The following UGGT2 variants were observed in gnomAD, a reference collection of about 807,000 sequenced individuals.
UGGT2 encodes the protein UDP-glucose:glycoprotein glucosyltransferase 2.
A neutral mutation model predicts 192.1 loss-of-function variants in UGGT2; 180 were observed. That is an observed-to-expected ratio of 0.94 (90% CI 0.83 to 1.06). The LOEUF is 1.06. Among genes scored for constraint, UGGT2 ranks in the 50% least tolerant of loss-of-function variants. The pLI, the probability that UGGT2 is intolerant of heterozygous loss-of-function variation, is 0.00. For synonymous variants in UGGT2, 580 were observed against 591.0 expected (o/e 0.98, Z 0.27); for missense variants, 1,849 against 1,795.7 (o/e 1.03, Z -0.54).
chr13:96,048,544 C>G (rs2053387754), intron 1 of UGGT2, among the ~76,000 whole-genome samples: 1 of 143,502 alleles, frequency 7.0e-6, no homozygotes, highest in African/African-American at 2.5e-5. Flanking sequence ...TCAATGAATT[C>G]AGGAGCTGGT....
chr13:95,847,931 G>A lies in UGGT2; in HGVS notation c.4284+5612C>T, dbSNP rs577872981. 4.6e-5 allele frequency among the ~76,000 whole-genome samples: 7 copies of A among 152,284 alleles called. No homozygotes were observed. The East Asian group carries it at 9.6e-4, about 21-fold the overall frequency. On this transcript the variant is annotated intron_variant, in intron 36 of 38. Transcript: ENST00000376747. ...TTTTGTACTCTTCTCAGCAATGAAC[G>A]CAAGTTCCTCTTGCTCCACATCTTC...
intron 20 of UGGT2, among the ~76,000 whole-genome samples, chr13:95,922,768 A>G (rs1306534972): frequency 1.3e-5 from 2 of 151,546 alleles, no homozygotes; most frequent in East Asian, 1.9e-4. Context: ...TGCTGTGGTG[A>G]GCCGAGATCA....
At position 95,877,705 on chromosome 13, in the gene UGGT2, G is replaced by C. The variant is rs765960913; in HGVS notation, c.3380C>G (p.Ala1127Gly). ...CAATTAAATAATACTTACATGATGTGCCATCACTATTGTATCAACCACAGC... is the reference window on the plus strand; with the variant it reads ...CAATTAAATAATACTTACATGATGTCCCATCACTATTGTATCAACCACAGC... ...KPAVVDTIVM[A>G]HHGYFQLKAN... Residue 1127 changes from alanine (A) to glycine (G), a missense_variant, in exon 28 of 39, where the codon GCA (alanine) becomes GGA (glycine). Coordinates refer to ENST00000376747, the MANE Select transcript of UGGT2 (RefSeq NM_020121.4). 2 of 1,611,696 alleles carry C rather than the reference G, an allele frequency of 1.2e-6. No individual in the cohort carries two copies. Among genetic ancestry groups the C allele is most frequent in the Non-Finnish European group, 1.7e-6 (2 of 1,179,122 alleles).
At chr13:95,900,725 C>G in intron 22 of UGGT2, 82 bp downstream of exon 22, 1 of 1,420,942 alleles carries the variant, frequency 7.0e-7, no homozygotes, top group Non-Finnish European at 9.4e-7. Context: ...TCAGTCACAT[C>G]AGGGGAATTG....
intron 11 of UGGT2, among the ~76,000 whole-genome samples, chr13:95,971,112 A>G (rs1265257330): frequency 6.6e-6 from 1 of 152,142 alleles, no homozygotes; most frequent in Non-Finnish European, 1.5e-5. Context: ...GGGCTGGGCC[A>G]TGTATGGGGC....
intron 38 of UGGT2, among the ~76,000 whole-genome samples, chr13:95,827,394 G>C (rs1886155860): frequency 6.6e-6 from 1 of 152,122 alleles, no homozygotes; most frequent in South Asian, 2.1e-4. Context: ...TGTCCTAACT[G>C]AACAAGGACA....
rs776383571 is a variant in UGGT2 at position 95,927,029 on chromosome 13, G to A, written c.2199C>T (p.Asp733=). ...AGGTAAATAAAATATGCTTATTACCGTCTTGGGTTAAATAATACATGTTCT... is the reference window on the plus strand; with the variant it reads ...AGGTAAATAAAATATGCTTATTACCATCTTGGGTTAAATAATACATGTTCT... The part of the protein sequence containing the change: ...IAKNMYYLTQ[D]DESIISAVTL... Residue 733 remains aspartate, a splice_region_variant and synonymous_variant, in exon 19 of 39, where the codon GAC becomes GAT. Coordinates refer to ENST00000376747, the MANE Select transcript of UGGT2 (RefSeq NM_020121.4). 54 of 1,600,078 alleles carry A rather than the reference G, an allele frequency of 3.4e-5. 1 individual carries two copies. Among genetic ancestry groups the A allele is most frequent in the South Asian group, 1.2e-4 (11 of 88,224 alleles).
intron 20 of UGGT2, among the ~76,000 whole-genome samples, chr13:95,917,277 T>C (rs1004443756): frequency 6.6e-6 from 1 of 152,120 alleles, no homozygotes; most frequent in African/African-American, 2.4e-5. Context: ...TCCAATTCAT[T>C]TCTTAAAGAA....
intron 30 of UGGT2, among the ~76,000 whole-genome samples, chr13:95,865,348 A>C (rs996978380): frequency 5.3e-5 from 8 of 152,178 alleles, no homozygotes; most frequent in African/African-American, 2.4e-5. Flanking sequence ...TGTTATTAGA[A>C]AACAAACTGA....
intron 15 of UGGT2, among the ~76,000 whole-genome samples, chr13:95,943,036 C>T (rs539743036): frequency 2.0e-5 from 3 of 152,196 alleles, no homozygotes; most frequent in South Asian, 4.1e-4. Context: ...TGTAATGTCA[C>T]TTCTGTATTC....
At chr13:95,899,933 G>A (rs1207447539) in intron 22 of UGGT2, among the ~76,000 whole-genome samples, 1 of 152,060 alleles carries the variant, frequency 6.6e-6, no homozygotes, top group South Asian at 2.1e-4. Context: ...CATTAAGAGT[G>A]CATTAGAACT....
intron 38 of UGGT2, among the ~76,000 whole-genome samples, chr13:95,825,270 G>A (rs1396858120): frequency 1.3e-5 from 2 of 152,132 alleles, no homozygotes; most frequent in Non-Finnish European, 2.9e-5. Flanking sequence ...CCCTGGGTAG[G>A]AACCTGTTGT....
At chr13:95,964,155 A>G (rs1172119545) in intron 12 of UGGT2, among the ~76,000 whole-genome samples, 2 of 152,214 alleles carry the variant, frequency 1.3e-5, no homozygotes, top group African/African-American at 4.8e-5. Flanking sequence ...GAATCCAGAA[A>G]TAAATTCATG....
chr13:95,906,264 G>T (rs2048288199), intron 20 of UGGT2, among the ~76,000 whole-genome samples: 1 of 152,060 alleles, frequency 6.6e-6, no homozygotes, highest in Non-Finnish European at 1.5e-5. Flanking sequence ...GTTTGTTGCA[G>T]CTCTTAGAAA....
At chr13:95,967,402 C>T (rs1021206558) in intron 12 of UGGT2, among the ~76,000 whole-genome samples, 8 of 150,604 alleles carry the variant, frequency 5.3e-5, no homozygotes, top group African/African-American at 1.5e-4. Context: ...TTGCCCACCA[C>T]GTGCTCCTCA....
At chr13:95,946,925 T>C (rs1461720627) in intron 15 of UGGT2, 112 bp downstream of exon 15, 3 of 1,180,684 alleles carry the variant, frequency 2.5e-6, no homozygotes, top group South Asian at 1.9e-5. Context: ...TTTATAAACT[T>C]TGAAATGTTA....
intron 30 of UGGT2, 81 bp from the exon 31 acceptor site, chr13:95,863,795 C>T (rs745952875): frequency 6.7e-5 from 71 of 1,058,870 alleles, no homozygotes; most frequent in South Asian, 2.4e-4. Context: ...ACATATTGGG[C>T]GAGATTACCC....
In UGGT2 at chr13:95,956,435, C is replaced by T. The variant is rs1406162765; in HGVS notation, c.1336-6981G>A. Among the ~76,000 whole-genome samples, 5 of 152,022 alleles carry T rather than the reference C, an allele frequency of 3.3e-5. No homozygotes were observed. The South Asian group carries it at 8.3e-4, about 25-fold the overall frequency. ...ATATATCTGATAAGGAATTAATATC[C>T]AGAATATATAAAGGACTCCTACAAC... On this transcript the variant is annotated intron_variant, in intron 12 of 38. Coordinates refer to ENST00000376747, the MANE Select transcript of UGGT2 (RefSeq NM_020121.4).
intron 38 of UGGT2, among the ~76,000 whole-genome samples, chr13:95,824,007 C>A (rs1007164004): frequency 6.6e-6 from 1 of 152,036 alleles, no homozygotes; most frequent in African/African-American, 2.4e-5. Flanking sequence ...AAAATGACTT[C>A]ATTTCTCTTT....
Sources: gnomAD v4.1 joint callset for allele counts (sites outside exome capture counted in the v4.1 genomes callset) on GRCh38, gnomAD v4.1.1 for gene constraint, MANE v1.5 for transcripts, NCBI Gene and HGNC (gene_info 2026-07-23, HGNC 2026-07-21) for gene names.